The following LHX4 variants were observed in gnomAD, a reference collection of about 807,000 sequenced individuals.
The protein encoded by LHX4 is LIM homeobox 4.
A neutral mutation model predicts 39.2 loss-of-function variants in LHX4; 16 were observed. The observed-to-expected ratio is 0.41, with a 90% CI of 0.28 to 0.62. The LOEUF (loss-of-function observed/expected upper bound fraction) is 0.62, where lower values mean the gene tolerates loss of function less well. Among genes scored for constraint, LHX4 ranks in the 20% least tolerant of loss-of-function variants. The pLI, the probability that LHX4 is intolerant of heterozygous loss-of-function variation, is 0.33. For synonymous variants in LHX4, 206 were observed against 198.1 expected, an observed-to-expected ratio of 1.04 and a Z score of -0.33; for missense variants, 439 against 511.9, an observed-to-expected ratio of 0.86 and a Z score of 1.37.
At position 180,278,515 on chromosome 1, in the gene LHX4, C is replaced by T. The variant is rs928746437; in HGVS notation, c.*3936C>T. The stretch of plus-strand genomic sequence containing the variant: ...CATGCTGCTAGCTCTGGTAAGGAGA[C>T]AGCTGCAGGTTTGGGAGGTGCACCA... On this transcript the variant is annotated 3_prime_UTR_variant, in exon 6 of 6. Coordinates refer to ENST00000263726, the MANE Select transcript of LHX4 (RefSeq NM_033343.4). The T allele has an allele frequency of 6.6e-6, 1 of 152,218 alleles. No individual in the cohort carries two copies. The highest frequency in any genetic ancestry group is 1.5e-5 in the Non-Finnish European group (1 of 68,072). 9.4% of individuals were successfully genotyped at this position (152,218 alleles called of 1,614,324 possible).
chr1:180,234,312 T>C lies in LHX4; in HGVS notation c.76+3707T>C, dbSNP rs990555644. 6.6e-6 allele frequency among the ~76,000 whole-genome samples: 1 copy of C among 151,186 alleles called. No homozygotes were observed. On this transcript the variant is annotated intron_variant, in intron 1 of 5. Transcript: ENST00000263726. This position sits in a 1 kb window ranked among gnomAD's most constrained non-coding sequence, Gnocchi z 4.8. ...CTCCCTGCGTCGCGAGAATATATTC[T>C]CAGGCAGGAGACAATTTTTACAGAT...
chr1:180,274,244 G>A lies in LHX4; in HGVS notation c.838G>A (p.Val280Ile), dbSNP rs375787650. 13 of 1,614,094 alleles carry A rather than the reference G, an allele frequency of 8.1e-6. No homozygotes were observed. The highest frequency in any genetic ancestry group is 3.3e-5 in the Admixed American group (2 of 60,010). The stretch of plus-strand genomic sequence containing the variant: ...TAGGATTTATGGCAACGTGGGGGAC[G>A]TTACAGGCGGACAGTTAATGAATGG... ...TNRIYGNVGDVTGGQLMNGSF... is the reference protein window; with the variant it reads ...TNRIYGNVGDITGGQLMNGSF... The change falls in exon 6 of 6, where the codon GTT (valine) becomes ATT (isoleucine). Residue 280 changes from valine to isoleucine, a missense_variant. Coordinates refer to ENST00000263726, the MANE Select transcript of LHX4 (RefSeq NM_033343.4).
At chr1:180,257,822 G>A (rs1377737128) in intron 2 of LHX4, among the ~76,000 whole-genome samples, 2 of 152,176 alleles carry the variant, frequency 1.3e-5, no homozygotes, top group South Asian at 2.1e-4. Flanking sequence ...GTCCTGGGCT[G>A]GTCCCCACCG....
At chr1:180,248,050 C>T (rs1647453482) in intron 1 of LHX4, among the ~76,000 whole-genome samples, 1 of 152,232 alleles carries the variant, frequency 6.6e-6, no homozygotes. Flanking sequence ...TCACCCCAAG[C>T]CAGAATCCAC....
At position 180,274,218 on chromosome 1, in the gene LHX4, A is replaced by G. The variant is rs2149268630; in HGVS notation, c.812A>G (p.Asn271Ser). 5 of 1,614,206 alleles carry G rather than the reference A, an allele frequency of 3.1e-6. No homozygotes were observed. Among genetic ancestry groups the G allele is most frequent in the Admixed American group, 1.7e-5 (1 of 60,022 alleles). The change falls in exon 6 of 6, where the codon AAT (asparagine) becomes AGT (serine). Residue 271 changes from asparagine to serine, a missense_variant. Physicochemically the swap from Asn to Ser is conservative, Grantham distance 46 (BLOSUM62 1). Transcript: ENST00000263726. ...ATTCTCTCAGAACTTGGCCACACCA[A>G]TAGGATTTATGGCAACGTGGGGGAC... ...DQILSELGHT[N>S]RIYGNVGDVT...
At chr1:180,261,727 T>A (rs1035278137) in intron 2 of LHX4, among the ~76,000 whole-genome samples, 1 of 152,022 alleles carries the variant, frequency 6.6e-6, no homozygotes, top group African/African-American at 2.4e-5. Context: ...CAGGCAGAGA[T>A]TTGGGGTGAG....
intron 1 of LHX4, among the ~76,000 whole-genome samples, chr1:180,235,808 C>T (rs1161890002): frequency 6.6e-6 from 1 of 152,210 alleles, no homozygotes; most frequent in Non-Finnish European, 1.5e-5. Context: ...GCACTCACCG[C>T]ACGAGAGGCC....
intron 1 of LHX4, among the ~76,000 whole-genome samples, chr1:180,231,422 CA>C (rs377153356): frequency 7.8e-4 from 118 of 151,990 alleles, no homozygotes; most frequent in African/African-American, 2.8e-3. Context: ...TGTTTATCCC[CA>C]AGTCTCTCTC....
intron 1 of LHX4, among the ~76,000 whole-genome samples, chr1:180,243,299 G>T (rs903878776): frequency 6.6e-6 from 1 of 151,886 alleles, no homozygotes; most frequent in Non-Finnish European, 1.5e-5. Flanking sequence ...AAGGGGAGGG[G>T]AGGGGAGGAG....
At chr1:180,260,352 C>A (rs185927054) in intron 2 of LHX4, among the ~76,000 whole-genome samples, 1 of 151,704 alleles carries the variant, frequency 6.6e-6, no homozygotes, top group African/African-American at 2.4e-5. Context: ...ATTTATGCAC[C>A]CCTGGTTCTA....
In LHX4 at chr1:180,255,025, C is replaced by T. The variant is rs368198296; in HGVS notation, c.248+6569C>T. On this transcript the variant is annotated intron_variant, in intron 2 of 5. Transcript: ENST00000263726. ...CAAAGGCCCACCCTTCAGTGAGGAG[C>T]CGGCCTGCATTTTCCTCATGGGATG... Among the ~76,000 whole-genome samples the T allele has an allele frequency of 2.0e-5, 3 of 152,362 alleles. No homozygotes were observed. The South Asian group carries it at 6.2e-4, about 32-fold the overall frequency.
intron 2 of LHX4, among the ~76,000 whole-genome samples, chr1:180,264,074 C>T (rs1298072063): frequency 1.3e-5 from 2 of 152,158 alleles, no homozygotes; most frequent in Non-Finnish European, 2.9e-5. Context: ...AGGTGATCCT[C>T]CCATCTCAGC....
At chr1:180,244,285 C>T (rs1434732653) in intron 1 of LHX4, among the ~76,000 whole-genome samples, 5 of 152,160 alleles carry the variant, frequency 3.3e-5, no homozygotes, top group African/African-American at 4.8e-5. Context: ...ACTTAAAGGG[C>T]ACCCTTGGTA....
chr1:180,258,264 A>G (rs1175445847), intron 2 of LHX4, among the ~76,000 whole-genome samples: 1 of 152,144 alleles, frequency 6.6e-6, no homozygotes, highest in African/African-American at 2.4e-5. Context: ...ATTTCAGGGG[A>G]CCACTGCAGG....
upstream of LHX4, among the ~76,000 whole-genome samples, chr1:180,229,972 G>GGT (rs1664132541): frequency 7.0e-6 from 1 of 143,516 alleles, no homozygotes; most frequent in Non-Finnish European, 1.5e-5. Context: ...GGAGGGGGGG[G>GGT]GGGTGCCGGC....
Position 180,249,160 on chromosome 1 carries a change from C to A in LHX4, c.248+704C>A, listed in dbSNP as rs549391836. On this transcript the variant is annotated intron_variant, in intron 2 of 5. Transcript: ENST00000263726. ...GGGCTCACAGTAGTAGTCCCTACCTCATGAGGTTTTTATTAGCTTTAAATA... is the reference window on the plus strand; with the variant it reads ...GGGCTCACAGTAGTAGTCCCTACCTAATGAGGTTTTTATTAGCTTTAAATA... 6.6e-5 allele frequency among the ~76,000 whole-genome samples: 10 copies of A among 152,328 alleles called. No individual in the cohort carries two copies. The South Asian group carries it at 2.1e-3, about 32-fold the overall frequency.
intron 1 of LHX4, among the ~76,000 whole-genome samples, chr1:180,238,801 C>T (rs1319794541): frequency 6.6e-6 from 1 of 152,100 alleles, no homozygotes; most frequent in Non-Finnish European, 1.5e-5. Context: ...AACGGTTCAA[C>T]AAAAATGAAT....
At chr1:180,264,378 A>AAAACAC (rs1648227524) in intron 2 of LHX4, among the ~76,000 whole-genome samples, 1 of 145,302 alleles carries the variant, frequency 6.9e-6, no homozygotes, top group African/African-American at 2.6e-5. Context: ...ACACACACAT[A>AAAACAC]ACACACACAC....
rs1005071541 is a variant in LHX4, at chr1:180,276,638, C to G, written c.*2059C>G. The G allele has an allele frequency of 1.3e-5, 2 of 152,196 alleles. No individual in the cohort carries two copies. Among genetic ancestry groups the G allele is most frequent in the African/African-American group, 4.8e-5 (2 of 41,436 alleles). The allele number at this position is 152,196 out of a possible 1,614,324, so 9.4% of individuals were successfully genotyped here. ...ATGCAGTCGTCTTTTTGGAGGATGG[C>G]TTTTTAAATACACCCTTCTTAGCAG... On this transcript the variant is annotated 3_prime_UTR_variant, in exon 6 of 6. Transcript: ENST00000263726.
Sources: allele counts gnomAD v4.1 joint callset (sites outside exome capture counted in the v4.1 genomes callset), GRCh38; gene constraint gnomAD v4.1.1; non-coding constraint Gnocchi (gnomAD v3.1); transcripts MANE v1.5; gene names NCBI Gene and HGNC (gene_info 2026-07-23, HGNC 2026-07-21).